ADGRE5: variants seen among roughly 807,000 people sequenced by gnomAD.
The protein encoded by ADGRE5 is adhesion G protein-coupled receptor E5, also known as CD97 molecule.
Under a neutral mutation model 100.3 loss-of-function variants are expected in ADGRE5, and 72 were observed. The observed-to-expected ratio is 0.72, with a 90% CI of 0.59 to 0.87. The LOEUF (loss-of-function observed/expected upper bound fraction) is 0.87. ADGRE5 is among the 40% of genes least tolerant of loss of function. ADGRE5 has a pLI of 0.00. For synonymous variants in ADGRE5, 439 were observed against 447.8 expected (o/e 0.98, Z 0.25); for missense variants, 959 against 1,094.7 (o/e 0.88, Z 1.75).
rs767721301 is a variant in ADGRE5, at chr19:14,396,403, C to G, written c.408C>G (p.Thr136=). The G allele has an allele frequency of 6.2e-7, 1 of 1,614,306 alleles. No individual in the cohort carries two copies. Among genetic ancestry groups the G allele is most frequent in the Admixed American group, 1.7e-5 (1 of 60,034 alleles). The change falls in exon 5 of 20, where the codon ACC becomes ACG. Residue 136 remains threonine (T), a synonymous_variant. Transcript: ENST00000242786. ...AAAGCTACGGCACCTGCGTCAACAC[C>G]CTTGGCAGCTATACCTGCCAGTGCC... The part of the protein sequence containing the change: ...LCKSYGTCVN[T]LGSYTCQCLP...
intron 9 of ADGRE5, among the ~76,000 whole-genome samples, chr19:14,400,339 A>G (rs1295521472): frequency 6.6e-6 from 1 of 151,804 alleles, no homozygotes; most frequent in Non-Finnish European, 1.5e-5. Context: ...TTTTTTGCAG[A>G]GATGGGGGCC....
Position 14,406,534 on chromosome 19 carries a change from C to T in ADGRE5, c.2025C>T (p.Ser675=), listed in dbSNP as rs1409552535. The stretch of plus-strand genomic sequence containing the variant: ...TGGGCGTCTCGGCTGCCATCTACAG[C>T]AAGGGCTACGGCCGCCCCAGATAGT... ...LIVGVSAAIY[S]KGYGRPRYCW... Residue 675 remains serine (S), a synonymous_variant, in exon 15 of 20, where the codon AGC becomes AGT. Transcript: ENST00000242786. This position sits in a 1 kb window ranked among gnomAD's most constrained non-coding sequence, Gnocchi z 6.0. 1 of 1,578,108 alleles carries T rather than the reference C, an allele frequency of 6.3e-7. No individual in the cohort carries two copies. The highest frequency in any genetic ancestry group is 8.6e-7 in the Non-Finnish European group (1 of 1,162,460).
chr19:14,407,918 A>T lies in ADGRE5; in HGVS notation c.2387A>T (p.Glu796Val), dbSNP rs772097638. The T allele has an allele frequency of 6.2e-7, 1 of 1,614,038 alleles. No individual in the cohort carries two copies. The highest frequency in any genetic ancestry group is 2.2e-5 in the East Asian group (1 of 44,888). The change falls in exon 19 of 20, where the codon GAA (glutamate) becomes GTA (valine). Residue 796 changes from glutamate to valine, a missense_variant. By Grantham distance (121) the Glu-to-Val change is moderately radical. Coordinates refer to ENST00000242786, the MANE Select transcript of ADGRE5 (RefSeq NM_078481.4). ...TGTCTGGGCCGGCAGGTTCGGGAAG[A>T]ATACCGGAAGTGGGCCTGCCTAGTT... ...HCLLNKKVRE[E>V]YRKWACLVAG...
Position 14,406,266 on chromosome 19 carries a change from G to C in ADGRE5, c.1822-65G>C. On this transcript the variant is annotated intron_variant, in intron 14 of 19. Transcript: ENST00000242786. The surrounding 1 kb of genome is among the most constrained non-coding windows in gnomAD (Gnocchi z 6.0). ...CACTCTCGGGACCTGGCAGGCGACTGGCTCTGGCGCCGCATGCCCCTCCCC... is the reference window on the plus strand; with the variant it reads ...CACTCTCGGGACCTGGCAGGCGACTCGCTCTGGCGCCGCATGCCCCTCCCC... 7.8e-7 allele frequency: 1 copy of C among 1,283,442 alleles called. No homozygotes were observed. Among genetic ancestry groups the C allele is most frequent in the East Asian group, 2.5e-5 (1 of 39,594 alleles). The allele number at this position is 1,283,442 out of a possible 1,614,324, so 79.5% of individuals were successfully genotyped here.
intron 3 of ADGRE5, among the ~76,000 whole-genome samples, chr19:14,390,401 G>A (rs1042695502): frequency 6.7e-6 from 1 of 149,666 alleles, no homozygotes; most frequent in Non-Finnish European, 1.5e-5. Flanking sequence ...TCGGCTCACT[G>A]CAACCTCCAC....
intron 1 of ADGRE5, among the ~76,000 whole-genome samples, chr19:14,385,072 G>A (rs192683184): frequency 9.1e-4 from 132 of 145,482 alleles, no homozygotes; most frequent in African/African-American, 3.2e-3. Context: ...GTGCAGTGGC[G>A]GGATCTCAGC....
rs1255134714 is a variant in ADGRE5, at chr19:14,408,196, C to T, written c.*75C>T. On this transcript the variant is annotated 3_prime_UTR_variant, in exon 20 of 20. Transcript: ENST00000242786. ...TGTACACGAAGACCATCCATCCTCC[C>T]TTCGTCCACCACTCTACTCCCTCCA... 7 of 1,489,474 alleles carry T rather than the reference C, an allele frequency of 4.7e-6. No homozygotes were observed. The highest frequency in any genetic ancestry group is 6.5e-6 in the Non-Finnish European group (7 of 1,077,764). The allele number at this position is 1,489,474 out of a possible 1,614,324, so 92.3% of individuals were successfully genotyped here.
rs745980654 is a variant in ADGRE5 at position 14,402,849 on chromosome 19, A to T, written c.1436A>T (p.Asp479Val). Residue 479 changes from aspartate (D) to valine (V), a missense_variant, in exon 12 of 20, where the codon GAC becomes GTC. Physicochemically the swap from Asp to Val is radical, Grantham distance 152. Around this residue, in one of 6 missense-constraint regions of ADGRE5, gnomAD observed 246 missense variants for 242.2 expected, o/e 1.02. Transcript: ENST00000242786. ...TCCTCCGATGGGGAGGCGGGAAGAGACCCTCCTGCCAAGGTCTCTGCTCAC... is the reference window on the plus strand; with the variant it reads ...TCCTCCGATGGGGAGGCGGGAAGAGTCCCTCCTGCCAAGGTCTCTGCTCAC... ...LESSDGEAGR[D>V]PPAKDVMPGP... The T allele has an allele frequency of 6.2e-7, 1 of 1,613,448 alleles. No homozygotes were observed. The highest frequency in any genetic ancestry group is 2.2e-5 in the East Asian group (1 of 44,838).
At chr19:14,397,561 G>A in intron 6 of ADGRE5, 97 bp from the exon 7 acceptor site, 2 of 1,601,006 alleles carry the variant, frequency 1.2e-6, no homozygotes, top group Non-Finnish European at 8.5e-7. Flanking sequence ...CTCCAAGGGG[G>A]GCACTAATGC....
chr19:14,398,822 G>T (rs979523221), intron 9 of ADGRE5, among the ~76,000 whole-genome samples: 34 of 147,780 alleles, frequency 2.3e-4, no homozygotes, highest in African/African-American at 8.4e-4. Flanking sequence ...GTTGTGGTGT[G>T]TTTTTTTTTG....
chr19:14,407,862 G>C (rs1475428547), intron 18 of ADGRE5, 46 bp from the exon 19 acceptor site: 3 of 1,512,942 alleles, frequency 2.0e-6, no homozygotes, highest in African/African-American at 2.7e-5. Context: ...GAGCGTGCAT[G>C]GTCCCAGGGC....
rs1975990781 is a variant in ADGRE5, at chr19:14,401,125, AAAAG to A, written c.898-253_898-250del. On this transcript the variant is annotated intron_variant, in intron 9 of 19. Transcript: ENST00000242786. The surrounding 1 kb of genome is among the most constrained non-coding windows in gnomAD (Gnocchi z 4.1). ...CAACAGACTGAGACCCTGTCTCAAA[AAAAG>A]AAAGAAAAAAGAACAGGAAATCAAA... 6.6e-6 allele frequency among the ~76,000 whole-genome samples: 1 copy of A among 152,200 alleles called. No homozygotes were observed. Among genetic ancestry groups the A allele is most frequent in the Admixed American group, 6.5e-5 (1 of 15,276 alleles).
chr19:14,402,434 CAA>C (rs375867062), intron 11 of ADGRE5, among the ~76,000 whole-genome samples, 161 bp from the exon 12 acceptor site: 3 of 127,918 alleles, frequency 2.3e-5, no homozygotes, highest in Admixed American at 7.9e-5. Context: ...AACTCCGTCT[CAA>C]AAAAAAAAAA....
At chr19:14,395,756 G>A (rs182216949) in intron 4 of ADGRE5, among the ~76,000 whole-genome samples, 9 of 152,198 alleles carry the variant, frequency 5.9e-5, no homozygotes, top group African/African-American at 1.9e-4. Flanking sequence ...CCCACTGTCC[G>A]GGCAGCCCTA....
At position 14,397,709 on chromosome 19, in the gene ADGRE5, G is replaced by A; in HGVS notation, c.677G>A (p.Cys226Tyr). The A allele has an allele frequency of 6.7e-7, 1 of 1,502,936 alleles. No homozygotes were observed. Among genetic ancestry groups the A allele is most frequent in the Admixed American group, 1.7e-5 (1 of 57,398 alleles). 93.1% of individuals were successfully genotyped at this position (1,502,936 alleles called of 1,614,324 possible). Reference protein sequence around the residue: ...GQHQCDSSTVCFNTVGSYSCR... With the variant: ...GQHQCDSSTVYFNTVGSYSCR... ...CATCAGTGTGACAGCTCCACCGTCT[G>A]CTTCAACACCGTGGGTTCATACAGC... Residue 226 changes from cysteine to tyrosine, a missense_variant, in exon 7 of 20, where the codon TGC (cysteine) becomes TAC (tyrosine). By Grantham distance (194) the Cys-to-Tyr change is radical. Transcript: ENST00000242786.
intron 4 of ADGRE5, among the ~76,000 whole-genome samples, chr19:14,393,354 C>A (rs760491659): frequency 3.5e-4 from 53 of 152,218 alleles, no homozygotes; most frequent in Non-Finnish European, 7.1e-4. Flanking sequence ...CAAGGCTCTA[C>A]CCCTGCGCAG....
Position 14,406,526 on chromosome 19 carries a change from A to T in ADGRE5, c.2017A>T (p.Ile673Phe). The change falls in exon 15 of 20, where the codon ATC (isoleucine) becomes TTC (phenylalanine). Residue 673 changes from isoleucine to phenylalanine, a missense_variant. Coordinates refer to ENST00000242786, the MANE Select transcript of ADGRE5 (RefSeq NM_078481.4). This position sits in a 1 kb window ranked among gnomAD's most constrained non-coding sequence, Gnocchi z 6.0. ...PLLIVGVSAA[I>F]YSKGYGRPRY... Reference sequence around the variant, plus strand: ...GCTCATCGTGGGCGTCTCGGCTGCCATCTACAGCAAGGGCTACGGCCGCCC... The same window carrying T: ...GCTCATCGTGGGCGTCTCGGCTGCCTTCTACAGCAAGGGCTACGGCCGCCC... 6.4e-7 allele frequency: 1 copy of T among 1,574,382 alleles called. No individual in the cohort carries two copies. The highest frequency in any genetic ancestry group is 1.3e-5 in the African/African-American group (1 of 74,158).
chr19:14,395,020 G>A (rs1975724042), intron 4 of ADGRE5, among the ~76,000 whole-genome samples: 1 of 152,214 alleles, frequency 6.6e-6, no homozygotes, highest in South Asian at 2.1e-4. Flanking sequence ...GATTCAGAGG[G>A]CTGGGTGCCG....
At position 14,406,911 on chromosome 19, in the gene ADGRE5, C is replaced by G; in HGVS notation, c.2158C>G (p.Gln720Glu). Residue 720 changes from glutamine (Q) to glutamate (E), a missense_variant, in exon 17 of 20, where the codon CAG becomes GAG. Gln to Glu is a conservative substitution (Grantham distance 29). Coordinates refer to ENST00000242786, the MANE Select transcript of ADGRE5 (RefSeq NM_078481.4). This position sits in a 1 kb window ranked among gnomAD's most constrained non-coding sequence, Gnocchi z 6.0. The stretch of plus-strand genomic sequence containing the variant: ...CGTGACTACCGTCTGGAAGCTCACT[C>G]AGAAGTTTTCTGAAATCAATCCAGA... ...IFVTTVWKLT[Q>E]KFSEINPDMK... The G allele has an allele frequency of 6.2e-7, 1 of 1,614,162 alleles. No individual in the cohort carries two copies. Among genetic ancestry groups the G allele is most frequent in the Admixed American group, 1.7e-5 (1 of 60,014 alleles).
Sources: allele counts gnomAD v4.1 joint callset (sites outside exome capture counted in the v4.1 genomes callset), GRCh38; gene constraint gnomAD v4.1.1; regional missense constraint gnomAD v4.1.1; non-coding constraint Gnocchi (gnomAD v3.1); transcripts MANE v1.5; gene names NCBI Gene and HGNC (gene_info 2026-07-23, HGNC 2026-07-21).